Variants in NAV3 observed in about 807,000 individuals in gnomAD.
The protein encoded by NAV3 is pore membrane and/or filament interacting like protein 1.
Under a neutral mutation model 244.7 loss-of-function variants are expected in NAV3, and 87 were observed. That is an observed-to-expected ratio of 0.36 (90% CI 0.30 to 0.42). The LOEUF is 0.42. Among genes scored for constraint, NAV3 ranks in the 20% least tolerant of loss-of-function variants. NAV3 has a pLI of 1.00. For missense variants in NAV3, 2,663 were observed against 2,893.3 expected, an observed-to-expected ratio of 0.92 and a Z score of 1.83; for synonymous variants, 1,126 against 1,042.2, an observed-to-expected ratio of 1.08 and a Z score of -1.55.
chr12:77,710,708 G>A (rs1288713860), intron 2 of NAV3, among the ~76,000 whole-genome samples: 2 of 152,116 alleles, frequency 1.3e-5, no homozygotes, highest in African/African-American at 4.8e-5. Flanking sequence ...AAATGGACTT[G>A]AGTACTTTGT....
rs184674996 is a variant in NAV3, at chr12:78,198,522, C to G, written c.6447-83C>G. On this transcript the variant is annotated intron_variant, in intron 35 of 39. Transcript: ENST00000397909. ...TTGAAATGGAATAATCCATATCTATCCTAGTAGTTTTCCAAGATAATTTTA... is the reference window on the plus strand; with the variant it reads ...TTGAAATGGAATAATCCATATCTATGCTAGTAGTTTTCCAAGATAATTTTA... The G allele has an allele frequency of 2.0e-4, 156 of 775,420 alleles. No homozygotes were observed. In the African/African-American group the frequency reaches 2.4e-3, roughly 12 times the overall value. The allele number at this position is 775,420 out of a possible 1,614,324, so 48.0% of individuals were successfully genotyped here.
intron 22 of NAV3, among the ~76,000 whole-genome samples, chr12:78,153,480 C>T (rs543825163): frequency 5.3e-5 from 8 of 152,132 alleles, no homozygotes; most frequent in Admixed American, 2.6e-4. Flanking sequence ...AAACAGAAGC[C>T]GCACAAGGAA....
At chr12:77,766,511 A>G (rs1341173132) in intron 2 of NAV3, among the ~76,000 whole-genome samples, 19 of 152,178 alleles carry the variant, frequency 1.2e-4, no homozygotes, top group Admixed American at 1.2e-3. Flanking sequence ...GATAATGGCC[A>G]AGGGAATGTT....
intron 2 of NAV3, among the ~76,000 whole-genome samples, chr12:77,574,569 G>A (rs548168369): frequency 3.3e-5 from 5 of 152,048 alleles, no homozygotes; most frequent in African/African-American, 4.8e-5. Context: ...AACGCATTTA[G>A]CCTACTCCTG....
intron 23 of NAV3, among the ~76,000 whole-genome samples, chr12:78,166,787 A>C (rs1957798215): frequency 6.6e-6 from 1 of 151,760 alleles, no homozygotes; most frequent in South Asian, 2.1e-4. Context: ...ACGTTCTGAC[A>C]CTGAAATAAG....
At chr12:77,925,864 G>C (rs550516949) in intron 1 of NAV3, among the ~76,000 whole-genome samples, 1 of 152,018 alleles carries the variant, frequency 6.6e-6, no homozygotes, top group Non-Finnish European at 1.5e-5. Context: ...AATATGTTTT[G>C]CTATAATTTA....
At chr12:77,758,630 G>A (rs1569026) in intron 2 of NAV3, among the ~76,000 whole-genome samples, 2,371 of 152,222 alleles carry the variant, frequency 0.016, 71 homozygotes, top group African/African-American at 0.054. Flanking sequence ...ATAATACAAA[G>A]AGCCGTACAA....
At chr12:78,044,863 T>A (rs901359860) in intron 9 of NAV3, among the ~76,000 whole-genome samples, 4 of 152,230 alleles carry the variant, frequency 2.6e-5, no homozygotes, top group African/African-American at 9.6e-5. Flanking sequence ...TATAAAATCA[T>A]GTCATCTGCA....
chr12:78,040,315 G>A (rs925432885), intron 9 of NAV3, among the ~76,000 whole-genome samples: 1 of 152,094 alleles, frequency 6.6e-6, no homozygotes, highest in African/African-American at 2.4e-5. Context: ...TCTGTCATGA[G>A]GAGGGCAGTG....
chr12:77,654,748 C>T (rs1274942999), intron 2 of NAV3, among the ~76,000 whole-genome samples: 1 of 151,818 alleles, frequency 6.6e-6, no homozygotes, highest in African/African-American at 2.4e-5. Flanking sequence ...GGGTACTCCT[C>T]TGAGACAAAA....
At chr12:77,881,203 G>T (rs1882596907) in intron 1 of NAV3, among the ~76,000 whole-genome samples, 1 of 152,092 alleles carries the variant, frequency 6.6e-6, no homozygotes, top group Non-Finnish European at 1.5e-5. Context: ...ATTTATTATG[G>T]ATATAACACT....
At chr12:77,914,309 C>T (rs901145774) in intron 1 of NAV3, among the ~76,000 whole-genome samples, 6 of 151,996 alleles carry the variant, frequency 3.9e-5, no homozygotes, top group Non-Finnish European at 7.4e-5. Context: ...GGCAGTCCAT[C>T]GGTCAATCAT....
At chr12:77,679,858 CAG>C (rs1325366715) in intron 2 of NAV3, among the ~76,000 whole-genome samples, 1 of 152,104 alleles carries the variant, frequency 6.6e-6, no homozygotes. Context: ...TTGGATGACT[CAG>C]AGGCAACTGC....
At chr12:77,577,071 A>G (rs530642619) in intron 2 of NAV3, among the ~76,000 whole-genome samples, 43 of 152,260 alleles carry the variant, frequency 2.8e-4, no homozygotes, top group Admixed American at 1.5e-3. Context: ...TAGCCATTTT[A>G]TAATGTTACT....
chr12:77,685,504 CACAT>C (rs1406533971), intron 2 of NAV3, among the ~76,000 whole-genome samples: 1 of 151,832 alleles, frequency 6.6e-6, no homozygotes, highest in African/African-American at 2.4e-5. Context: ...CACACACACA[CACAT>C]ACCCACACGC....
chr12:77,778,154 TC>T (rs1337913895), intron 2 of NAV3, among the ~76,000 whole-genome samples: 3 of 23,752 alleles, frequency 1.3e-4, no homozygotes, highest in African/African-American at 5.0e-4. Context: ...TCCCCTCCCC[TC>T]CCCTCCCCTC....
chr12:77,783,449 G>C (rs1409975612), intron 2 of NAV3: 1 of 152,136 alleles, frequency 6.6e-6, no homozygotes, highest in Non-Finnish European at 1.5e-5. Context: ...ACCTACCATG[G>C]AAGGGTGTGG....
chr12:77,734,979 G>C (rs1877277134), intron 2 of NAV3, among the ~76,000 whole-genome samples: 1 of 151,976 alleles, frequency 6.6e-6, no homozygotes, highest in South Asian at 2.1e-4. Flanking sequence ...ATTTCACCAA[G>C]GACAAGATGA....
intron 1 of NAV3, among the ~76,000 whole-genome samples, chr12:77,884,218 G>T (rs994120789): frequency 7.2e-5 from 11 of 152,086 alleles, no homozygotes; most frequent in African/African-American, 2.7e-4. Flanking sequence ...ATGGACGGAG[G>T]GAAGGAGGGA....
Sources: gnomAD v4.1 joint callset for allele counts (sites outside exome capture counted in the v4.1 genomes callset) on GRCh38, gnomAD v4.1.1 for gene constraint, MANE v1.5 for transcripts, NCBI Gene and HGNC (gene_info 2026-07-23, HGNC 2026-07-21) for gene names.